The following ZNF705A variants were observed in gnomAD, a reference collection of about 807,000 sequenced individuals.
ZNF705A encodes the protein zinc finger protein 705A.
A neutral mutation model predicts 16.6 loss-of-function variants in ZNF705A; 8 were observed. The observed-to-expected ratio is 0.48, with a 90% CI of 0.28 to 0.87. ZNF705A has a LOEUF of 0.87. ZNF705A is among the 40% of genes least tolerant of loss of function. ZNF705A has a pLI of 0.10. For missense variants in ZNF705A, 233 were observed against 359.9 expected, an observed-to-expected ratio of 0.65 and a Z score of 2.85; for synonymous variants, 73 against 117.3, an observed-to-expected ratio of 0.62 and a Z score of 2.44.
intron 3 of ZNF705A, 141 bp downstream of exon 4, chr12:8,175,464 A>G (rs1359131429): frequency 7.8e-7 from 1 of 1,286,876 alleles, no homozygotes; most frequent in Non-Finnish European, 1.1e-6. Context: ...AATTCCTTAG[A>G]TGTTATTGTC....
At position 8,165,393 on chromosome 12, in the gene ZNF705A, C is replaced by T. The variant is rs191142378; in HGVS notation, c.-71-7162C>T. On this transcript the variant is annotated intron_variant, in intron 1 of 5. Coordinates refer to the ZNF705A transcript ENST00000396570. ...CACCTCCCAGGTTCACACCATTCTC[C>T]TGCCTCAGCCTCCCAAGTAGCTGGG... Among the ~76,000 whole-genome samples the T allele has an allele frequency of 6.4e-3, 953 of 148,514 alleles. 8 individuals are homozygous for T. The highest frequency in any genetic ancestry group is 0.022 in the Middle Eastern group (6 of 278).
At chr12:8,168,580 G>A (rs1017018451), upstream of ZNF705A, among the ~76,000 whole-genome samples, 2 of 152,148 alleles carry the variant, frequency 1.3e-5, no homozygotes, top group African/African-American at 4.8e-5. Flanking sequence ...CTAGTCACAT[G>A]TGACTATAAA....
intron 1 of ZNF705A, among the ~76,000 whole-genome samples, chr12:8,160,072 GA>G (rs1948341684): frequency 6.6e-6 from 1 of 152,070 alleles, no homozygotes; most frequent in Non-Finnish European, 1.5e-5. Flanking sequence ...ACCATTTGTT[GA>G]AAAGGGTGTT....
intron 1 of ZNF705A, among the ~76,000 whole-genome samples, chr12:8,162,684 T>C (rs1948365891): frequency 6.6e-6 from 1 of 151,740 alleles, no homozygotes; most frequent in East Asian, 1.9e-4. Flanking sequence ...TTAAAAGAAG[T>C]AGGAGTCAAA....
At chr12:8,172,175 G>A (rs1222135766), upstream of ZNF705A, among the ~76,000 whole-genome samples, 1 of 151,648 alleles carries the variant, frequency 6.6e-6, no homozygotes, top group African/African-American at 2.4e-5. Flanking sequence ...CATAAAGCTA[G>A]GATAATAAAA....
chr12:8,176,633 G>A (rs1035387699), intron 4 of ZNF705A, among the ~76,000 whole-genome samples: 1 of 152,160 alleles, frequency 6.6e-6, no homozygotes, highest in Non-Finnish European at 1.5e-5. Context: ...TGGTGAACTG[G>A]GGATGACTGC....
chr12:8,177,080 C>T (rs10743252), exon 5 of ZNF705A: 861,594 of 1,573,180 alleles, frequency 0.55, 243,021 homozygotes, highest in Non-Finnish European at 0.57. Context: ...AATAACTCAG[C>T]GTTTGTTAAC....
At chr12:8,165,530 A>G (rs1241822438) in intron 1 of ZNF705A, among the ~76,000 whole-genome samples, 3 of 150,680 alleles carry the variant, frequency 2.0e-5, no homozygotes, top group Non-Finnish European at 4.4e-5. Flanking sequence ...TAAAAAAAAA[A>G]TTCAACTTTT....
intron 1 of ZNF705A, among the ~76,000 whole-genome samples, chr12:8,158,437 A>G (rs1474761069): frequency 6.6e-6 from 1 of 152,020 alleles, no homozygotes; most frequent in Non-Finnish European, 1.5e-5. Context: ...ACTGTTTTTG[A>G]GATTTATCTA....
chr12:8,162,646 T>A (rs1241267826), intron 1 of ZNF705A, among the ~76,000 whole-genome samples: 1 of 152,120 alleles, frequency 6.6e-6, no homozygotes, highest in Non-Finnish European at 1.5e-5. Context: ...CTGCAGTCCC[T>A]ATCTTCTCCC....
chr12:8,157,981 A>T (rs1026994218), intron 1 of ZNF705A, among the ~76,000 whole-genome samples: 2 of 152,092 alleles, frequency 1.3e-5, no homozygotes, highest in Non-Finnish European at 2.9e-5. Flanking sequence ...AGGAATTCTC[A>T]TTGGTTCACA....
chr12:8,169,341 G>A (rs769019075), upstream of ZNF705A, among the ~76,000 whole-genome samples: 3 of 152,224 alleles, frequency 2.0e-5, no homozygotes, highest in East Asian at 5.8e-4. Flanking sequence ...GCCATGAGAG[G>A]CTTGCAATCC....
chr12:8,170,155 C>T (rs1368242879), upstream of ZNF705A, among the ~76,000 whole-genome samples: 1 of 147,828 alleles, frequency 6.8e-6, no homozygotes, highest in Non-Finnish European at 1.5e-5. Context: ...CGCCACTGCA[C>T]TCCAGCCTGG....
At chr12:8,170,466 T>C (rs1333096280), upstream of ZNF705A, among the ~76,000 whole-genome samples, 2 of 152,222 alleles carry the variant, frequency 1.3e-5, no homozygotes, top group East Asian at 1.9e-4. Flanking sequence ...GAGTCCTTTA[T>C]GAAATAAGTA....
upstream of ZNF705A, among the ~76,000 whole-genome samples, chr12:8,171,212 C>T (rs760532471): frequency 2.0e-5 from 3 of 152,094 alleles, no homozygotes; most frequent in Admixed American, 6.5e-5. Context: ...TTTTATTTTT[C>T]CTGGACTTCA....
intron 1 of ZNF705A, among the ~76,000 whole-genome samples, chr12:8,158,672 C>A (rs143083020): frequency 6.6e-6 from 1 of 151,814 alleles, no homozygotes; most frequent in South Asian, 2.1e-4. Flanking sequence ...AAAATTGATG[C>A]GTCAAATGGC....
Position 8,177,110 on chromosome 12 carries a change from T to G in ZNF705A, c.430T>G (p.Tyr144Asp), listed in dbSNP as rs1286978867. 2.5e-6 allele frequency: 4 copies of G among 1,611,884 alleles called. No individual in the cohort carries two copies. In the African/African-American group the frequency reaches 5.3e-5, roughly 22 times the overall value. Residue 144 changes from tyrosine (Y) to aspartate (D), a missense_variant, in exon 5 of 5, where the codon TAT becomes GAT. Transcript: ENST00000359286. ...GTTAACTCACAGTGGAAAGAAACCC[T>G]ATGTCAGCAAACAGTGTGGAAAATC...
chr12:8,157,070 T>C (rs1453612238), exon 1 of ZNF705A: 2 of 397,946 alleles, frequency 5.0e-6, no homozygotes, highest in East Asian at 3.6e-5. Flanking sequence ...CTGATCTACT[T>C]TGAAATGCAA....
At position 8,175,791 on chromosome 12, in the gene ZNF705A, C is replaced by G. The variant is rs1251046686; in HGVS notation, c.236-69C>G. On this transcript the variant is annotated intron_variant, in intron 3 of 4. Coordinates refer to ENST00000359286, the Ensembl canonical transcript of ZNF705A. ...CAACTTTTGAAAAAAAGTAAATGGG[C>G]CTTGGGGCTTTTCAAACAATTTTAT... 3 of 1,605,328 alleles carry G rather than the reference C, an allele frequency of 1.9e-6. No homozygotes were observed. The Admixed American group carries it at 5.1e-5, about 27-fold the overall frequency.
Sources: gnomAD v4.1 joint callset for allele counts (sites outside exome capture counted in the v4.1 genomes callset) on GRCh38, gnomAD v4.1.1 for gene constraint, MANE v1.5 for transcripts, NCBI Gene and HGNC (gene_info 2026-07-23, HGNC 2026-07-21) for gene names.